Variants in SLC12A7 observed in about 807,000 individuals in gnomAD.
The protein encoded by SLC12A7 is K-Cl cotransporter 4.
SLC12A7 carries 100 observed loss-of-function variants against 120.6 expected under a neutral mutation model. The ratio of observed to expected loss-of-function variants is 0.83; its 90% CI spans 0.71 to 0.98. SLC12A7 has a LOEUF of 0.98. Ranked by LOEUF, SLC12A7 falls within the 50% of genes least tolerant of loss-of-function variation. SLC12A7 has a pLI of 0.00. For synonymous variants in SLC12A7, 760 were observed against 678.0 expected, an observed-to-expected ratio of 1.12 and a Z score of -1.88; for missense variants, 1,373 against 1,548.1, an observed-to-expected ratio of 0.89 and a Z score of 1.90.
intron 3 of SLC12A7, among the ~76,000 whole-genome samples, chr5:1,091,786 G>C (rs1740542715): frequency 6.6e-6 from 1 of 152,122 alleles, no homozygotes; most frequent in South Asian, 2.1e-4. Flanking sequence ...GGTGCTGAGT[G>C]CTGAGCCCGG....
chr5:1,057,359 C>A, intron 22 of SLC12A7, 112 bp downstream of exon 22: 1 of 1,149,494 alleles, frequency 8.7e-7, no homozygotes, highest in Non-Finnish European at 1.2e-6. Context: ...GGCCCACTGG[C>A]CTGCAGGGTT....
chr5:1,063,841 C>T lies in SLC12A7; in HGVS notation c.2739+3G>A, dbSNP rs1352227885. On this transcript the variant is annotated splice_donor_region_variant and intron_variant, in intron 20 of 23. Transcript: ENST00000264930. ...CTCCTCCCCTCAAGCCCTCGGGACT[C>T]ACCATCTCCACCACCTCCACCTCGG... 1.9e-6 allele frequency: 3 copies of T among 1,566,156 alleles called. No individual in the cohort carries two copies. In the South Asian group the frequency reaches 3.4e-5, roughly 18 times the overall value.
chr5:1,114,651 A>C (rs1743244742), upstream of SLC12A7, among the ~76,000 whole-genome samples: 1 of 151,986 alleles, frequency 6.6e-6, no homozygotes, highest in Non-Finnish European at 1.5e-5. Context: ...GAGGTACCCG[A>C]GGCCTGGGTT....
chr5:1,078,669 G>A (rs919432189), intron 11 of SLC12A7, 32 bp downstream of exon 11: 2 of 1,582,040 alleles, frequency 1.3e-6, no homozygotes, highest in Admixed American at 1.7e-5. Flanking sequence ...AAGACTACAG[G>A]CTTTGCACGA....
intron 7 of SLC12A7, among the ~76,000 whole-genome samples, chr5:1,084,477 G>GCCA (rs772294138): frequency 1.4e-4 from 21 of 152,276 alleles, no homozygotes; most frequent in Non-Finnish European, 2.6e-4. Context: ...CGTGCCACGT[G>GCCA]CCAACGGCCA....
At chr5:1,121,612 G>A in the SLC12A7 span, among the ~76,000 whole-genome samples, 1 of 152,232 alleles carries the variant, frequency 6.6e-6, no homozygotes, top group Non-Finnish European at 1.5e-5. Flanking sequence ...GACCTCAAGG[G>A]CTTACAGCCA....
chr5:1,095,152 C>G (rs1740999279), intron 1 of SLC12A7, among the ~76,000 whole-genome samples: 1 of 152,130 alleles, frequency 6.6e-6, no homozygotes, highest in African/African-American at 2.4e-5. Flanking sequence ...CCCTCCCACC[C>G]TCCATGGGAG....
chr5:1,119,360 G>A, the SLC12A7 span, among the ~76,000 whole-genome samples: 1 of 152,190 alleles, frequency 6.6e-6, no homozygotes, highest in Non-Finnish European at 1.5e-5. Context: ...TAAAGGTGAG[G>A]ACCCCGTGAT....
intron 12 of SLC12A7, 60 bp from the exon 13 acceptor site, chr5:1,076,872 G>T: frequency 8.3e-7 from 1 of 1,204,092 alleles, no homozygotes; most frequent in Non-Finnish European, 1.2e-6. Context: ...GAGAGAAGCT[G>T]CAGGCTGGTC....
intron 1 of SLC12A7, among the ~76,000 whole-genome samples, chr5:1,094,933 T>G (rs1740940731): frequency 7.0e-6 from 1 of 143,154 alleles, no homozygotes; most frequent in Admixed American, 7.1e-5. Context: ...AGGGAATTGG[T>G]GGGGAGGAGG....
the SLC12A7 span, among the ~76,000 whole-genome samples, chr5:1,153,351 C>T: frequency 6.6e-6 from 1 of 152,256 alleles, no homozygotes; most frequent in African/African-American, 2.4e-5. Flanking sequence ...CCTCCATGCC[C>T]ACATGAATGT....
At chr5:1,139,289 A>G in the SLC12A7 span, among the ~76,000 whole-genome samples, 2 of 152,240 alleles carry the variant, frequency 1.3e-5, no homozygotes, top group Non-Finnish European at 2.9e-5. Context: ...TCTCCCCAGG[A>G]CGTGCGGCCC....
intron 9 of SLC12A7, among the ~76,000 whole-genome samples, chr5:1,081,263 C>A (rs1274521652): frequency 6.6e-6 from 1 of 152,138 alleles, no homozygotes; most frequent in Non-Finnish European, 1.5e-5. Context: ...AGTTTGAGAC[C>A]AGCCTGAGCA....
intron 17 of SLC12A7, among the ~76,000 whole-genome samples, chr5:1,073,255 T>C (rs866302825): frequency 4.8e-5 from 4 of 82,620 alleles, no homozygotes; most frequent in African/African-American, 1.6e-4. Context: ...ATCACACTTA[T>C]GCAGCCCCCA....
chr5:1,113,751 C>T (rs1056194142), upstream of SLC12A7, among the ~76,000 whole-genome samples: 1 of 152,150 alleles, frequency 6.6e-6, no homozygotes, highest in Non-Finnish European at 1.5e-5. Context: ...TAAAAAGATC[C>T]AGGGGGTGGG....
intron 1 of SLC12A7, among the ~76,000 whole-genome samples, chr5:1,105,361 C>A (rs554752517): frequency 4.8e-4 from 72 of 149,388 alleles, no homozygotes; most frequent in African/African-American, 1.7e-3. Context: ...AAAGGGGACC[C>A]TCCCTGCAGG....
At position 1,085,429 on chromosome 5, in the gene SLC12A7, T is replaced by C. The variant is rs1236825977; in HGVS notation, c.720A>G (p.Ala240=). The stretch of plus-strand genomic sequence containing the variant: ...GCAGCATGGCGGCCGCCTCGCCACC[T>C]GCAGCCTCCGCCTGGAAGATGGCCG... ...PGAAIFQAEA[A]GGEAAAMLHN... The change falls in exon 7 of 24, where the codon GCA becomes GCG. Residue 240 remains alanine, a synonymous_variant. Transcript: ENST00000264930. The C allele has an allele frequency of 1.2e-6, 2 of 1,609,680 alleles. No individual in the cohort carries two copies. Among genetic ancestry groups the C allele is most frequent in the Admixed American group, 1.7e-5 (1 of 59,702 alleles).
At chr5:1,131,867 G>T in the SLC12A7 span, among the ~76,000 whole-genome samples, 1 of 152,320 alleles carries the variant, frequency 6.6e-6, no homozygotes, top group Non-Finnish European at 1.5e-5. Context: ...TTCCCAGGTG[G>T]GGCCCAGCGC....
At chr5:1,152,687 C>A in the SLC12A7 span, among the ~76,000 whole-genome samples, 1 of 152,196 alleles carries the variant, frequency 6.6e-6, no homozygotes, top group Non-Finnish European at 1.5e-5. Context: ...GCCCCCCGGA[C>A]CATGCACTGC....
Sources: gnomAD v4.1 joint callset for allele counts (sites outside exome capture counted in the v4.1 genomes callset) on GRCh38, gnomAD v4.1.1 for gene constraint, MANE v1.5 for transcripts, NCBI Gene and HGNC (gene_info 2026-07-23, HGNC 2026-07-21) for gene names.